Variants in RPS6KA5 observed in about 807,000 individuals in gnomAD.
The protein encoded by RPS6KA5 is ribosomal protein S6 kinase A5.
A neutral mutation model predicts 85.5 loss-of-function variants in RPS6KA5; 27 were observed. The ratio of observed to expected loss-of-function variants is 0.32; its 90% CI spans 0.23 to 0.44. The LOEUF (loss-of-function observed/expected upper bound fraction) is 0.44. Among genes scored for constraint, RPS6KA5 ranks in the 20% least tolerant of loss-of-function variants. The probability of loss-of-function intolerance (pLI) is 1.00; values close to 1 mark genes in which losing one functional copy is unlikely to be tolerated. For missense variants in RPS6KA5, 811 were observed against 980.9 expected, an observed-to-expected ratio of 0.83 and a Z score of 2.31; for synonymous variants, 334 against 348.2, an observed-to-expected ratio of 0.96 and a Z score of 0.46.
At chr14:90,966,192 G>C (rs1316876080) in intron 3 of RPS6KA5, among the ~76,000 whole-genome samples, 2 of 152,178 alleles carry the variant, frequency 1.3e-5, no homozygotes, top group Non-Finnish European at 2.9e-5. Flanking sequence ...ACAGAATTGA[G>C]GGAAGTGGCT....
intron 14 of RPS6KA5, among the ~76,000 whole-genome samples, chr14:90,878,660 A>C (rs1016501929): frequency 7.2e-5 from 11 of 152,240 alleles, no homozygotes; most frequent in African/African-American, 2.7e-4. Context: ...TCTGCAGAGC[A>C]GAAAACTGGG....
chr14:90,965,277 C>G (rs568044269), intron 3 of RPS6KA5, among the ~76,000 whole-genome samples: 17 of 151,754 alleles, frequency 1.1e-4, no homozygotes, highest in African/African-American at 2.9e-4. Flanking sequence ...CCCAGGTACT[C>G]GGGAGGCTGA....
At chr14:90,963,851 T>C (rs2038929795) in intron 3 of RPS6KA5, among the ~76,000 whole-genome samples, 1 of 152,086 alleles carries the variant, frequency 6.6e-6, no homozygotes, top group African/African-American at 2.4e-5. Flanking sequence ...GAAAAATACA[T>C]GTTCACCGAG....
intron 14 of RPS6KA5, 126 bp downstream of exon 14, chr14:90,890,361 G>T (rs540747002): frequency 1.6e-6 from 1 of 617,800 alleles, no homozygotes; most frequent in Non-Finnish European, 2.6e-6. Context: ...CCTCTAACTG[G>T]CTGTACAGAA....
chr14:91,042,418 A>G (rs2042639698), intron 1 of RPS6KA5, among the ~76,000 whole-genome samples: 1 of 152,152 alleles, frequency 6.6e-6, no homozygotes, highest in African/African-American at 2.4e-5. Flanking sequence ...AGGCTGAGGC[A>G]GAGAATTTCT....
chr14:90,966,567 C>T (rs992818296), intron 3 of RPS6KA5, among the ~76,000 whole-genome samples: 1 of 152,180 alleles, frequency 6.6e-6, no homozygotes, highest in African/African-American at 2.4e-5. Context: ...CCAACGGAGT[C>T]ATACCTCTTT....
At chr14:90,898,365 G>A (rs1321457040) in intron 12 of RPS6KA5, among the ~76,000 whole-genome samples, 2 of 152,162 alleles carry the variant, frequency 1.3e-5, no homozygotes, top group Non-Finnish European at 2.9e-5. Context: ...TACTGCTGCT[G>A]CTGCCTGGTC....
chr14:90,940,654 C>A (rs1359908970), intron 5 of RPS6KA5, among the ~76,000 whole-genome samples: 2 of 152,144 alleles, frequency 1.3e-5, no homozygotes, highest in Non-Finnish European at 2.9e-5. Context: ...AGTGTACTAC[C>A]AGAACCTAGC....
chr14:90,995,058 G>A (rs1316065360), intron 2 of RPS6KA5, among the ~76,000 whole-genome samples: 1 of 151,888 alleles, frequency 6.6e-6, no homozygotes, highest in East Asian at 1.9e-4. Context: ...GTTTTGTTTT[G>A]TTTTTAATAT....
intron 3 of RPS6KA5, among the ~76,000 whole-genome samples, chr14:90,976,242 G>A (rs562880200): frequency 5.9e-5 from 9 of 151,516 alleles, no homozygotes; most frequent in South Asian, 2.1e-4. Context: ...CAGAAAGGGC[G>A]GGGGCAGGCT....
chr14:91,010,196 ATAT>A (rs908591842), intron 1 of RPS6KA5, among the ~76,000 whole-genome samples: 58 of 152,298 alleles, frequency 3.8e-4, no homozygotes, highest in African/African-American at 1.4e-3. Context: ...AAAGGAGGAG[ATAT>A]TATTTTTAAA....
chr14:90,882,044 ACTT>A (rs2033877013), intron 14 of RPS6KA5, among the ~76,000 whole-genome samples: 1 of 151,858 alleles, frequency 6.6e-6, no homozygotes, highest in African/African-American at 2.4e-5. Flanking sequence ...ATGCTTGATA[ACTT>A]TTTTGTCCTT....
intron 3 of RPS6KA5, among the ~76,000 whole-genome samples, chr14:90,976,202 G>GAAAAAA (rs5810526): frequency 4.6e-5 from 5 of 109,014 alleles, no homozygotes; most frequent in African/African-American, 6.7e-5. Flanking sequence ...TAAGAGAACA[G>GAAAAAA]AAAAAAAAAA....
chr14:90,923,057 A>G, intron 6 of RPS6KA5, 56 bp downstream of exon 6: 1 of 1,300,892 alleles, frequency 7.7e-7, no homozygotes, highest in Non-Finnish European at 1.1e-6. Context: ...GTTAACTAGG[A>G]TTCTTATAGT....
chr14:90,933,785 C>T (rs1403750083), intron 5 of RPS6KA5, among the ~76,000 whole-genome samples: 1 of 152,148 alleles, frequency 6.6e-6, no homozygotes. Flanking sequence ...ATATGATCAC[C>T]TCCATGTCCT....
At chr14:91,059,770 T>C (rs890403585) in intron 1 of RPS6KA5, among the ~76,000 whole-genome samples, 1 of 152,218 alleles carries the variant, frequency 6.6e-6, no homozygotes, top group Non-Finnish European at 1.5e-5. Context: ...ACTCAATCCC[T>C]GGAGCCGGCG....
At chr14:91,015,904 T>C (rs2041469991) in intron 1 of RPS6KA5, among the ~76,000 whole-genome samples, 1 of 152,250 alleles carries the variant, frequency 6.6e-6, no homozygotes, top group East Asian at 1.9e-4. Flanking sequence ...CACCTTGTCT[T>C]GTCCCAGCCT....
intron 2 of RPS6KA5, among the ~76,000 whole-genome samples, chr14:90,986,230 T>C (rs532606481): frequency 6.6e-6 from 1 of 152,360 alleles, no homozygotes; most frequent in South Asian, 2.1e-4. Flanking sequence ...GATTTTTAAA[T>C]GATTCACACT....
intron 3 of RPS6KA5, among the ~76,000 whole-genome samples, chr14:90,956,015 T>G (rs1312214666): frequency 6.6e-6 from 1 of 152,162 alleles, no homozygotes; most frequent in Admixed American, 6.5e-5. Flanking sequence ...TAGAAAATAA[T>G]GCAAAGAAAA....
Sources: gnomAD v4.1 joint callset for allele counts (sites outside exome capture counted in the v4.1 genomes callset) on GRCh38, gnomAD v4.1.1 for gene constraint, MANE v1.5 for transcripts, NCBI Gene and HGNC (gene_info 2026-07-23, HGNC 2026-07-21) for gene names.